GAB1: variants seen among roughly 807,000 people sequenced by gnomAD.
GAB1 encodes GRB2-associated-binding protein 1.
Under a neutral mutation model 66.5 loss-of-function variants are expected in GAB1, and 19 were observed. The observed-to-expected ratio is 0.29, with a 90% CI of 0.20 to 0.42. The LOEUF (loss-of-function observed/expected upper bound fraction) is 0.42, where lower values mean the gene tolerates loss of function less well. Ranked by LOEUF, GAB1 falls within the 10% of genes least tolerant of loss-of-function variation. GAB1 has a pLI of 1.00. For synonymous variants in GAB1, 294 were observed against 301.4 expected, an observed-to-expected ratio of 0.98 and a Z score of 0.25; for missense variants, 732 against 858.5, an observed-to-expected ratio of 0.85 and a Z score of 1.84.
chr4:143,367,971 C>T (rs956241157), intron 1 of GAB1, among the ~76,000 whole-genome samples: 5 of 152,080 alleles, frequency 3.3e-5, no homozygotes, highest in South Asian at 4.2e-4. Context: ...TCAGTCCATC[C>T]GCCTCAGCCT....
chr4:143,424,711 C>G (rs6811304), intron 2 of GAB1: 19,472 of 172,438 alleles, frequency 0.11, 2,817 homozygotes, highest in African/African-American at 0.36. Context: ...AATCCCAGCA[C>G]TTTGAGAGGC....
intron 1 of GAB1, chr4:143,376,736 C>T (rs1295637011): frequency 6.6e-6 from 1 of 152,114 alleles, no homozygotes; most frequent in Non-Finnish European, 1.5e-5. Context: ...TATTTTAAGA[C>T]TCATCTCAAT....
chr4:143,401,145 A>C (rs1206243432), intron 1 of GAB1, among the ~76,000 whole-genome samples: 2 of 152,170 alleles, frequency 1.3e-5, no homozygotes, highest in Non-Finnish European at 2.9e-5. Context: ...AGATAACTAT[A>C]AGTAGATTGT....
intron 1 of GAB1, among the ~76,000 whole-genome samples, chr4:143,342,543 C>CTTTTTTTTT (rs5862632): frequency 9.6e-5 from 6 of 62,494 alleles, no homozygotes; most frequent in African/African-American, 2.5e-4. Context: ...GTGATAGATT[C>CTTTTTTTTT]TTTTTTTTTT....
chr4:143,353,974 G>T (rs190345865), intron 1 of GAB1, among the ~76,000 whole-genome samples: 9 of 152,214 alleles, frequency 5.9e-5, no homozygotes, highest in Admixed American at 5.9e-4. Flanking sequence ...GTTATTGTAC[G>T]AAGTGTCTAC....
intron 6 of GAB1, 105 bp from the exon 7 acceptor site, chr4:143,459,280 G>T (rs1255754750): frequency 1.4e-6 from 1 of 724,422 alleles, no homozygotes; most frequent in Non-Finnish European, 2.4e-6. Flanking sequence ...GGTGGTCTTA[G>T]GTTTACTCTG....
intron 6 of GAB1, among the ~76,000 whole-genome samples, chr4:143,453,681 C>G (rs1274928711): frequency 6.6e-6 from 1 of 152,094 alleles, no homozygotes; most frequent in Non-Finnish European, 1.5e-5. Flanking sequence ...AATACAAATA[C>G]TCTTCTAAGA....
At chr4:143,434,153 A>C in intron 3 of GAB1, 2 of 1,287,650 alleles carry the variant, frequency 1.6e-6, no homozygotes, top group African/African-American at 1.5e-5. Context: ...TTTGAAAGCA[A>C]AACGATTCCA....
chr4:143,357,634 C>T (rs190884033), intron 1 of GAB1, among the ~76,000 whole-genome samples: 2 of 152,152 alleles, frequency 1.3e-5, no homozygotes, highest in African/African-American at 4.8e-5. Context: ...CTAGAATCTG[C>T]GGAAGCTGTG....
intron 3 of GAB1, among the ~76,000 whole-genome samples, chr4:143,436,400 T>A (rs965982512): frequency 3.3e-5 from 5 of 152,192 alleles, no homozygotes; most frequent in Non-Finnish European, 5.9e-5. Context: ...TTACTAGGTT[T>A]TTCTCTTGAA....
intron 6 of GAB1, among the ~76,000 whole-genome samples, chr4:143,448,427 CTT>C (rs1253208272): frequency 4.6e-5 from 7 of 151,618 alleles, no homozygotes; most frequent in Non-Finnish European, 7.4e-5. Context: ...GTCCTGGACT[CTT>C]TTTGGTTGGT....
At position 143,434,456 on chromosome 4, in the gene GAB1, G is replaced by C. The variant is rs1733839781; in HGVS notation, c.593+740G>C. ...TGTAACCCCAAACTCCTGGGCTCAAGTATTCCTTCTGCCTCAGCCCCCAGG... is the reference window on the plus strand; with the variant it reads ...TGTAACCCCAAACTCCTGGGCTCAACTATTCCTTCTGCCTCAGCCCCCAGG... On this transcript the variant is annotated intron_variant, in intron 3 of 9. Coordinates refer to ENST00000262994, the MANE Select transcript of GAB1 (RefSeq NM_002039.4). Among the ~76,000 whole-genome samples the C allele has an allele frequency of 2.0e-5, 3 of 150,268 alleles. No individual in the cohort carries two copies. The South Asian group carries it at 6.3e-4, about 32-fold the overall frequency.
chr4:143,448,297 T>C (rs1176780738), intron 6 of GAB1, among the ~76,000 whole-genome samples: 2 of 151,952 alleles, frequency 1.3e-5, no homozygotes, highest in African/African-American at 4.9e-5. Context: ...AGGATGATGC[T>C]GGCCTTATAA....
At chr4:143,373,868 A>AATAAATAAATATATATAT in intron 1 of GAB1, among the ~76,000 whole-genome samples, 995 of 93,634 alleles carry the variant, frequency 0.011, 35 homozygotes, top group Non-Finnish European at 0.013. Context: ...TAAATAAATA[A>AATAAATAAATATATATAT]ATATATATAT....
chr4:143,346,793 A>G (rs1392361207), intron 1 of GAB1, among the ~76,000 whole-genome samples: 2 of 152,236 alleles, frequency 1.3e-5, no homozygotes, highest in South Asian at 2.1e-4. Flanking sequence ...CTAATAATGT[A>G]AAATATTTGG....
chr4:143,381,481 A>G (rs1730654374), intron 1 of GAB1, among the ~76,000 whole-genome samples: 1 of 152,144 alleles, frequency 6.6e-6, no homozygotes, highest in Admixed American at 6.5e-5. Flanking sequence ...CCCAAGAGCC[A>G]GTGTTCGGGT....
At chr4:143,412,377 A>C (rs965791347) in intron 1 of GAB1, among the ~76,000 whole-genome samples, 16 of 151,926 alleles carry the variant, frequency 1.1e-4, no homozygotes, top group Non-Finnish European at 2.1e-4. Context: ...CTTTGAAAGC[A>C]CTCTCTTCAT....
intron 2 of GAB1, among the ~76,000 whole-genome samples, chr4:143,429,459 C>T (rs1453825277): frequency 1.3e-5 from 2 of 152,120 alleles, no homozygotes; most frequent in Non-Finnish European, 2.9e-5. Flanking sequence ...CAAGGAGTCT[C>T]AGATAGGACT....
At chr4:143,377,455 C>G (rs1045458624) in intron 1 of GAB1, among the ~76,000 whole-genome samples, 2 of 152,194 alleles carry the variant, frequency 1.3e-5, no homozygotes, top group Non-Finnish European at 2.9e-5. Context: ...AACTGAAAAT[C>G]TGCCACTCTG....
Sources: allele counts gnomAD v4.1 joint callset (sites outside exome capture counted in the v4.1 genomes callset), GRCh38; gene constraint gnomAD v4.1.1; transcripts MANE v1.5; gene names NCBI Gene and HGNC (gene_info 2026-07-23, HGNC 2026-07-21).